The following TMEM268 variants were observed in gnomAD, a reference collection of about 807,000 sequenced individuals.
The protein encoded by TMEM268 is transmembrane protein 268, also known as transmembrane protein C9orf91.
TMEM268 carries 24 observed loss-of-function variants against 39.1 expected under a neutral mutation model. That is an observed-to-expected ratio of 0.61 (90% confidence interval 0.44 to 0.86). TMEM268 has a LOEUF of 0.86. TMEM268 is among the 40% of genes least tolerant of loss of function. The pLI is 0.00. For missense variants in TMEM268, 409 were observed against 428.6 expected, an observed-to-expected ratio of 0.95 and a Z score of 0.40; for synonymous variants, 176 against 173.5, an observed-to-expected ratio of 1.01 and a Z score of -0.12.
chr9:114,604,282 G>A, the TMEM268 span, among the ~76,000 whole-genome samples: 98 of 152,204 alleles, frequency 6.4e-4, no homozygotes, highest in Non-Finnish European at 1.3e-3. Context: ...ACCTACAGAG[G>A]ATGCCCTGAT....
intron 6 of TMEM268, among the ~76,000 whole-genome samples, chr9:114,636,543 C>T (rs947404169): frequency 1.3e-5 from 2 of 149,692 alleles, no homozygotes; most frequent in East Asian, 3.9e-4. Flanking sequence ...CTCTGTCACC[C>T]AGGCTGGAGT....
At chr9:114,635,783 C>T (rs1245537629) in intron 6 of TMEM268, among the ~76,000 whole-genome samples, 6 of 152,166 alleles carry the variant, frequency 3.9e-5, no homozygotes, top group Non-Finnish European at 8.8e-5. Context: ...CCTTCAGATT[C>T]ACTGGGGGGT....
intron 1 of TMEM268, among the ~76,000 whole-genome samples, chr9:114,614,590 A>G (rs1038796309): frequency 6.6e-6 from 1 of 152,272 alleles, no homozygotes; most frequent in Non-Finnish European, 1.5e-5. Flanking sequence ...ATCAGTGGCC[A>G]TCAGCCCTTG....
chr9:114,622,314 A>G, intron 2 of TMEM268: 1 of 985,278 alleles, frequency 1.0e-6, no homozygotes, highest in Non-Finnish European at 1.2e-6. Flanking sequence ...CGCCATAGAG[A>G]ATATGCCAAA....
intron 3 of TMEM268, among the ~76,000 whole-genome samples, chr9:114,626,084 CA>C (rs1846148838): frequency 3.3e-5 from 5 of 152,118 alleles, no homozygotes; most frequent in Admixed American, 2.0e-4. Flanking sequence ...CTTGACCTCC[CA>C]AAGTGCGGGG....
chr9:114,636,316 C>T (rs532703878), intron 6 of TMEM268, among the ~76,000 whole-genome samples: 1 of 152,186 alleles, frequency 6.6e-6, no homozygotes, highest in East Asian at 1.9e-4. Context: ...TTGTGGGCCA[C>T]AGGTGTCAGC....
Position 114,638,526 on chromosome 9 carries a change from T to C in TMEM268, c.667-18T>C, listed in dbSNP as rs1846742215. On this transcript the variant is annotated intron_variant, in intron 7 of 8. Coordinates refer to ENST00000288502, the MANE Select transcript of TMEM268 (RefSeq NM_153045.4). ...CTGATTTAGGCACTCCTGAGCCCCTTCTCTGTTTCCTTTGCAGTCCTTGCT... is the reference window on the plus strand; with the variant it reads ...CTGATTTAGGCACTCCTGAGCCCCTCCTCTGTTTCCTTTGCAGTCCTTGCT... 3 of 1,532,410 alleles carry C rather than the reference T, an allele frequency of 2.0e-6. No individual in the cohort carries two copies. The South Asian group carries it at 3.8e-5, about 19-fold the overall frequency. The allele number at this position is 1,532,410 out of a possible 1,614,324, so 94.9% of individuals were successfully genotyped here. A position where few individuals can be genotyped will look rare whatever the true frequency, so the allele number is the denominator to read the frequency against.
intron 6 of TMEM268, among the ~76,000 whole-genome samples, chr9:114,634,894 C>A (rs1462187298): frequency 6.6e-6 from 1 of 152,154 alleles, no homozygotes; most frequent in African/African-American, 2.4e-5. Context: ...GATGACATCA[C>A]AAGATTCTCG....
chr9:114,626,500 A>G (rs1439109787), intron 3 of TMEM268, among the ~76,000 whole-genome samples: 1 of 152,214 alleles, frequency 6.6e-6, no homozygotes, highest in Non-Finnish European at 1.5e-5. Flanking sequence ...TTAGTTCTAC[A>G]AAGTGGGTAC....
chr9:114,638,870 A>T (rs759587583), intron 8 of TMEM268, 144 bp downstream of exon 8: 1 of 529,428 alleles, frequency 1.9e-6, no homozygotes, highest in Admixed American at 4.3e-5. Flanking sequence ...GGAGTTTTCA[A>T]TCTTTTCATT....
At chr9:114,606,494 C>T (rs79107791), upstream of TMEM268, among the ~76,000 whole-genome samples, 5,122 of 152,304 alleles carry the variant, frequency 0.034, 122 homozygotes, top group Middle Eastern at 0.068. Context: ...CCACTAGCAA[C>T]GGAACATTCT....
chr9:114,617,277 G>A lies in TMEM268; in HGVS notation c.82G>A (p.Gly28Arg). 6.2e-7 allele frequency: 1 copy of A among 1,613,346 alleles called. No individual in the cohort carries two copies. Residue 28 changes from glycine to arginine, a missense_variant, in exon 2 of 9, where the codon GGG becomes AGG. Transcript: ENST00000288502. ...SSPGWSALPGGSPPGWGQELH... is the reference protein window; with the variant it reads ...SSPGWSALPGRSPPGWGQELH... ...CCCTGGCTGGAGTGCCCTGCCTGGA[G>A]GGAGCCCTCCTGGCTGGGGGCAAGG...
intron 6 of TMEM268, among the ~76,000 whole-genome samples, chr9:114,635,229 G>A (rs1348304123): frequency 6.6e-6 from 1 of 152,080 alleles, no homozygotes; most frequent in Non-Finnish European, 1.5e-5. Flanking sequence ...TGTAGTCCCA[G>A]CTACTTGGGA....
chr9:114,617,292 T>C lies in TMEM268; in HGVS notation c.97T>C (p.Trp33Arg), dbSNP rs1564285221. The C allele has an allele frequency of 6.2e-7, 1 of 1,611,702 alleles. No individual in the cohort carries two copies. Among genetic ancestry groups the C allele is most frequent in the Non-Finnish European group, 8.5e-7 (1 of 1,178,084 alleles). The change falls in exon 2 of 9, where the codon TGG (tryptophan) becomes CGG (arginine). Residue 33 changes from tryptophan to arginine, a missense_variant. By Grantham distance (101) the Trp-to-Arg change is moderately radical. Coordinates refer to ENST00000288502, the MANE Select transcript of TMEM268 (RefSeq NM_153045.4). Reference sequence around the variant, plus strand: ...CCTGCCTGGAGGGAGCCCTCCTGGCTGGGGGCAAGGTAAGATCATGACCTT... The same window carrying C: ...CCTGCCTGGAGGGAGCCCTCCTGGCCGGGGGCAAGGTAAGATCATGACCTT... Reference protein sequence around the residue: ...SALPGGSPPGWGQELHNGQVL... With the variant: ...SALPGGSPPGRGQELHNGQVL...
chr9:114,626,186 C>T (rs895437000), intron 3 of TMEM268, among the ~76,000 whole-genome samples: 4 of 152,066 alleles, frequency 2.6e-5, no homozygotes, highest in Non-Finnish European at 1.5e-5. Flanking sequence ...TGGTCTTGAA[C>T]TCCTAGGCTC....
chr9:114,643,035 C>T (rs940601233), intron 8 of TMEM268, 99 bp from the exon 9 acceptor site: 3 of 1,279,654 alleles, frequency 2.3e-6, no homozygotes, highest in African/African-American at 2.9e-5. Flanking sequence ...CTGCTGGGTC[C>T]AGGGGCAAGA....
At chr9:114,626,823 T>C in intron 3 of TMEM268, 76 bp from the exon 4 acceptor site, 1 of 1,114,254 alleles carries the variant, frequency 9.0e-7, no homozygotes, top group Non-Finnish European at 1.4e-6. Context: ...CTAATCCCCC[T>C]TCCACATGAT....
upstream of TMEM268, among the ~76,000 whole-genome samples, chr9:114,609,312 A>AAAACAAACAAACAAAC (rs200839078): frequency 1.3e-5 from 2 of 149,918 alleles, no homozygotes; most frequent in African/African-American, 5.0e-5. Context: ...CCCCATCTCA[A>AAAACAAACAAACAAAC]AAACAAACAA....
At chr9:114,637,096 A>C in intron 7 of TMEM268, 26 bp downstream of exon 7, 1 of 1,514,988 alleles carries the variant, frequency 6.6e-7, no homozygotes, top group East Asian at 2.3e-5. Flanking sequence ...TGAAAAAACA[A>C]AACAAAAACC....
Sources: allele counts gnomAD v4.1 joint callset (sites outside exome capture counted in the v4.1 genomes callset), GRCh38; gene constraint gnomAD v4.1.1; transcripts MANE v1.5; gene names NCBI Gene and HGNC (gene_info 2026-07-23, HGNC 2026-07-21).